MTTP: variants seen among roughly 807,000 people sequenced by gnomAD.
MTTP encodes microsomal triglyceride transfer protein large subunit.
In MTTP, 49 loss-of-function variants were observed where a neutral mutation model predicts 90.6. The observed-to-expected ratio is 0.54, with a 90% CI of 0.43 to 0.69. MTTP has a LOEUF of 0.69. Ranked by LOEUF, MTTP falls within the 30% of genes least tolerant of loss-of-function variation. MTTP has a pLI of 0.00. For missense variants in MTTP, 945 were observed against 1,067.5 expected (o/e 0.89, Z 1.60); for synonymous variants, 347 against 384.2 (o/e 0.90, Z 1.13).
At chr4:99,565,936 T>C (rs1724680663) in intron 1 of MTTP, among the ~76,000 whole-genome samples, 1 of 152,182 alleles carries the variant, frequency 6.6e-6, no homozygotes, top group South Asian at 2.1e-4. Context: ...CTTCTCTAAC[T>C]TGGACAACTG....
At chr4:99,596,782 G>T (rs991441635) in intron 7 of MTTP, among the ~76,000 whole-genome samples, 1 of 152,120 alleles carries the variant, frequency 6.6e-6, no homozygotes, top group Non-Finnish European at 1.5e-5. Flanking sequence ...GTGTAGCCGT[G>T]AAATGACCTA....
intron 10 of MTTP, among the ~76,000 whole-genome samples, chr4:99,602,357 A>G (rs1725719970): frequency 1.3e-5 from 2 of 152,180 alleles, no homozygotes; most frequent in Admixed American, 1.3e-4. Context: ...ATGGAAAACC[A>G]AAATAGATTA....
Position 99,600,671 on chromosome 4 carries a change from A to G in MTTP, c.1174A>G (p.Arg392Gly), listed in dbSNP as rs1471365282. 6.2e-7 allele frequency: 1 copy of G among 1,613,718 alleles called. No individual in the cohort carries two copies. The highest frequency in any genetic ancestry group is 1.3e-5 in the African/African-American group (1 of 74,900). Residue 392 changes from arginine to glycine, a missense_variant, in exon 9 of 18, where the codon AGG becomes GGG. By Grantham distance (125) the Arg-to-Gly change is moderately radical. Coordinates refer to ENST00000265517, the MANE Select transcript of MTTP (RefSeq NM_001386140.1). ...KSDSSIILQE[R>G]FLYACGFASH... ...TGACAGCAGCATTATCCTCCAGGAG[A>G]GGTTTCTCTATGCCTGTGGATTTGC...
At chr4:99,574,746 T>G, upstream of MTTP, 1 of 1,506,728 alleles carries the variant, frequency 6.6e-7, no homozygotes, top group South Asian at 1.2e-5. Flanking sequence ...TTCAGTGAAC[T>G]TAGGTCCTGA....
intron 14 of MTTP, 100 bp from the exon 15 acceptor site, chr4:99,612,813 T>A: frequency 1.8e-6 from 2 of 1,103,092 alleles, no homozygotes; most frequent in South Asian, 2.5e-5. Flanking sequence ...TTTAAGTTTT[T>A]GGCCCCTTGA....
chr4:99,574,249 TCATA>T (rs1345721338), upstream of MTTP, among the ~76,000 whole-genome samples: 1 of 152,178 alleles, frequency 6.6e-6, no homozygotes, highest in Non-Finnish European at 1.5e-5. Context: ...TGCTCCAACC[TCATA>T]CAGTTTCACA....
intron 1 of MTTP, among the ~76,000 whole-genome samples, chr4:99,578,796 C>T (rs894012175): frequency 5.9e-5 from 9 of 152,182 alleles, no homozygotes; most frequent in Non-Finnish European, 4.4e-5. Flanking sequence ...ATTATATTTG[C>T]TATGTTGGGT....
chr4:99,570,281 T>C (rs1724812541), upstream of MTTP, among the ~76,000 whole-genome samples: 1 of 152,042 alleles, frequency 6.6e-6, no homozygotes, highest in South Asian at 2.1e-4. Context: ...AGAATATATA[T>C]AGAATACTTA....
In MTTP at chr4:99,612,969, G is replaced by T. The variant is rs1168652683; in HGVS notation, c.2046G>T (p.Gly682=). ...EALIAATPDE[G]EENLDSYAGM... ...TAATCGCAGCCACCCCTGACGAGGG[G>T]GAGGAGAACCTTGACTCCTATGCTG... Residue 682 remains glycine (G), a synonymous_variant, in exon 15 of 18, where the codon GGG becomes GGT. Transcript: ENST00000265517. 1.2e-6 allele frequency: 2 copies of T among 1,613,990 alleles called. No individual in the cohort carries two copies. The highest frequency in any genetic ancestry group is 1.7e-6 in the Non-Finnish European group (2 of 1,179,930).
Position 99,622,865 on chromosome 4 carries a change from T to G in MTTP, c.*17T>G. On this transcript the variant is annotated 3_prime_UTR_variant, in exon 18 of 18. Transcript: ENST00000265517. ...TGGTTTTGAAACTGACCTGTGATAT[T>G]TTACTTGAATTTGTCTCCCCGAAAG... 2 of 1,612,896 alleles carry G rather than the reference T, an allele frequency of 1.2e-6. No individual in the cohort carries two copies. Among genetic ancestry groups the G allele is most frequent in the Non-Finnish European group, 1.7e-6 (2 of 1,178,918 alleles).
At chr4:99,622,239 A>C (rs558100820) in intron 17 of MTTP, among the ~76,000 whole-genome samples, 1 of 152,222 alleles carries the variant, frequency 6.6e-6, no homozygotes, top group Non-Finnish European at 1.5e-5. Flanking sequence ...CACATGATTA[A>C]TTGGTTTGGT....
chr4:99,577,556 G>A (rs1165488809), intron 1 of MTTP, among the ~76,000 whole-genome samples: 1 of 134,208 alleles, frequency 7.5e-6, no homozygotes, highest in Non-Finnish European at 1.5e-5. Flanking sequence ...AGTGAGCTGA[G>A]ATCACACCAT....
chr4:99,594,927 G>T, intron 7 of MTTP, 44 bp downstream of exon 7: 1 of 1,607,202 alleles, frequency 6.2e-7, no homozygotes, highest in South Asian at 1.1e-5. Context: ...ATCAGACTCT[G>T]TTTTCATTTT....
At chr4:99,615,187 G>A (rs577744511) in intron 15 of MTTP, among the ~76,000 whole-genome samples, 1 of 152,304 alleles carries the variant, frequency 6.6e-6, no homozygotes, top group South Asian at 2.1e-4. Flanking sequence ...TCTGTAAAGG[G>A]TAGAAAGTAA....
At chr4:99,573,113 G>A (rs1724875359), upstream of MTTP, among the ~76,000 whole-genome samples, 2 of 152,064 alleles carry the variant, frequency 1.3e-5, no homozygotes, top group Non-Finnish European at 2.9e-5. Context: ...CGAAGGGCAC[G>A]TATCATGCAC....
intron 15 of MTTP, among the ~76,000 whole-genome samples, chr4:99,613,858 A>T (rs546690709): frequency 6.4e-4 from 98 of 152,334 alleles, no homozygotes; most frequent in African/African-American, 2.3e-3. Context: ...CTGCCTAATT[A>T]GATTTTCTGA....
In MTTP at chr4:99,583,751, G is replaced by A. The variant is rs151253743; in HGVS notation, c.393+234G>A. ...CTATTTTTCTGGAAATCTTTATAGTGGAATGAAGTATTTATTTATTGATGA... is the reference window on the plus strand; with the variant it reads ...CTATTTTTCTGGAAATCTTTATAGTAGAATGAAGTATTTATTTATTGATGA... On this transcript the variant is annotated intron_variant, in intron 3 of 17. Transcript: ENST00000265517. The A allele has an allele frequency of 0.027, 15,729 of 591,484 alleles. 486 individuals carry two copies. Among genetic ancestry groups the A allele is most frequent in the Middle Eastern group, 0.12 (263 of 2,244 alleles). 36.6% of individuals were successfully genotyped at this position (591,484 alleles called of 1,614,324 possible). A position where few individuals can be genotyped will look rare whatever the true frequency, so the allele number is the denominator to read the frequency against.
At chr4:99,592,547 A>T (rs1725456506) in intron 6 of MTTP, among the ~76,000 whole-genome samples, 1 of 151,284 alleles carries the variant, frequency 6.6e-6, no homozygotes, top group Admixed American at 6.6e-5. Flanking sequence ...TCTTTTAAAA[A>T]TTTCTGGTTA....
At chr4:99,584,681 G>A (rs1278017320) in intron 3 of MTTP, among the ~76,000 whole-genome samples, 2 of 148,540 alleles carry the variant, frequency 1.3e-5, no homozygotes, top group Admixed American at 1.3e-4. Context: ...TACCCTTCCA[G>A]CCAGCTGGAA....
Sources: allele counts gnomAD v4.1 joint callset (sites outside exome capture counted in the v4.1 genomes callset), GRCh38; gene constraint gnomAD v4.1.1; transcripts MANE v1.5; gene names NCBI Gene and HGNC (gene_info 2026-07-23, HGNC 2026-07-21).